Variants in POTEE observed in about 807,000 individuals in gnomAD.
The protein encoded by POTEE is POTE ankyrin domain family member E.
In POTEE, 21 loss-of-function variants were observed where a neutral mutation model predicts 74.2. The observed-to-expected ratio is 0.28, with a 90% CI of 0.20 to 0.41. POTEE has a LOEUF of 0.41. Among genes scored for constraint, POTEE ranks in the 10% least tolerant of loss-of-function variants. The pLI is 1.00. For missense variants in POTEE, 525 were observed against 1,158.6 expected, an observed-to-expected ratio of 0.45 and a Z score of 7.94; for synonymous variants, 211 against 432.8, an observed-to-expected ratio of 0.49 and a Z score of 6.36.
At chr2:131,258,526 T>C (rs1701623121) in intron 16 of POTEE, among the ~76,000 whole-genome samples, 1 of 151,150 alleles carries the variant, frequency 6.6e-6, no homozygotes, top group African/African-American at 2.4e-5. Flanking sequence ...AAATTCCTTT[T>C]CTTGTTCACT....
At chr2:131,210,172 C>T (rs62177509) in intron 1 of POTEE, among the ~76,000 whole-genome samples, 79,974 of 119,162 alleles carry the variant, frequency 0.67, 29,067 homozygotes, top group Non-Finnish European at 0.81. Flanking sequence ...GGAGTGTTGT[C>T]GGGTGCTGCA....
In POTEE at chr2:131,263,355, C is replaced by T; in HGVS notation, c.1900C>T (p.Leu634Phe). 1.2e-6 allele frequency: 2 copies of T among 1,610,272 alleles called. No homozygotes were observed. The highest frequency in any genetic ancestry group is 1.7e-6 in the Non-Finnish European group (2 of 1,179,346). ...IEVVEKMNSE[L>F]SLSCKKEKDV... ...CTAAAAGTTCTCTTTGTTTACTTAG[C>T]TTTCTCTTAGTTGTAAGAAAGAAAA... The change falls in exon 18 of 18, where the codon CTT (leucine) becomes TTT (phenylalanine). Residue 634 changes from leucine (L) to phenylalanine (F), a missense_variant and splice_region_variant. Physicochemically the swap from Leu to Phe is conservative, Grantham distance 22. Transcript: ENST00000683005.
intron 16 of POTEE, among the ~76,000 whole-genome samples, chr2:131,258,854 C>T (rs1316178548): frequency 3.2e-5 from 1 of 30,840 alleles, no homozygotes; most frequent in African/African-American, 9.8e-5. Context: ...GAGGAAAGAC[C>T]AGCTGGGAGG....
chr2:131,216,335 G>T (rs1488341096), intron 2 of POTEE, among the ~76,000 whole-genome samples: 3 of 152,204 alleles, frequency 2.0e-5, no homozygotes, highest in African/African-American at 7.2e-5. Flanking sequence ...AGAAAAATTA[G>T]TCCTAAAATC....
At chr2:131,222,334 T>C (rs1259668411) in intron 4 of POTEE, among the ~76,000 whole-genome samples, 22 of 152,136 alleles carry the variant, frequency 1.4e-4, no homozygotes, top group African/African-American at 2.2e-4. Flanking sequence ...TGCATGTTCT[T>C]ACTTATAGGT....
chr2:131,229,234 T>C (rs1293132944), intron 8 of POTEE, among the ~76,000 whole-genome samples: 2 of 152,166 alleles, frequency 1.3e-5, no homozygotes, highest in Admixed American at 6.5e-5. Flanking sequence ...TTAGGTGGGC[T>C]TGTTCTAAAG....
At chr2:131,229,696 G>A (rs966638536) in intron 8 of POTEE, 17 of 152,170 alleles carry the variant, frequency 1.1e-4, no homozygotes, top group African/African-American at 3.1e-4. Context: ...ACAGATCTTT[G>A]AAGCATTCCA....
At chr2:131,220,775 T>C (rs921073761) in intron 4 of POTEE, among the ~76,000 whole-genome samples, 11 of 151,714 alleles carry the variant, frequency 7.3e-5, no homozygotes, top group South Asian at 2.1e-4. Context: ...GCCTGGCCAG[T>C]GTGGTGAAAT....
rs1186296392 is a variant in POTEE at position 131,219,937 on chromosome 2, A to C, written c.521+1014A>C. ...TGTTATTTATTTCCACAAATTGTTT[A>C]CTAACAGCTGAAAAGACATCAATGA... is the stretch of plus-strand genomic sequence containing the variant. On this transcript the variant is annotated intron_variant, in intron 4 of 17. Transcript: ENST00000683005. Among the ~76,000 whole-genome samples the C allele has an allele frequency of 2.0e-5, 3 of 151,896 alleles. No individual in the cohort carries two copies. In the East Asian group the frequency reaches 5.8e-4, roughly 29 times the overall value.
At chr2:131,209,903 C>T (rs1209275782) in intron 1 of POTEE, among the ~76,000 whole-genome samples, 84 bp downstream of exon 1, 1 of 149,536 alleles carries the variant, frequency 6.7e-6, no homozygotes, top group Non-Finnish European at 1.5e-5. Flanking sequence ...GGCTGCACTG[C>T]CTGTGTCAGG....
At chr2:131,225,607 C>T (rs1700760026) in intron 6 of POTEE, among the ~76,000 whole-genome samples, 1 of 146,550 alleles carries the variant, frequency 6.8e-6, no homozygotes, top group Non-Finnish European at 1.5e-5. Flanking sequence ...CACTCTGTTT[C>T]CCAGGCTGGA....
chr2:131,209,837 G>GTAC lies in POTEE; in HGVS notation c.-345+20_-345+22dup, dbSNP rs1700317517. On this transcript the variant is annotated intron_variant, in intron 1 of 17. Coordinates refer to ENST00000683005, the MANE Select transcript of POTEE (RefSeq NM_001083538.3). Reference sequence around the variant, plus strand: ...TGGTGTAGGTGAGTTATCCGGGGATGTACTGCCCGCCTGTGGGGGCAGGGG... The same window carrying GTAC: ...TGGTGTAGGTGAGTTATCCGGGGATGTACTACTGCCCGCCTGTGGGGGCAGGGG... 6.6e-6 allele frequency among the ~76,000 whole-genome samples: 1 copy of GTAC among 151,898 alleles called. No homozygotes were observed. The highest frequency in any genetic ancestry group is 2.4e-5 in the African/African-American group (1 of 41,360).
At chr2:131,214,414 T>C (rs1302851330) in intron 2 of POTEE, among the ~76,000 whole-genome samples, 2 of 152,362 alleles carry the variant, frequency 1.3e-5, no homozygotes, top group African/African-American at 2.4e-5. Flanking sequence ...AATGACTAAT[T>C]ACAAAAGAGG....
intron 2 of POTEE, among the ~76,000 whole-genome samples, chr2:131,215,915 TA>T (rs1399453576): frequency 6.9e-6 from 1 of 145,860 alleles, no homozygotes; most frequent in Non-Finnish European, 1.5e-5. Context: ...GAAAGGCATC[TA>T]AATAGGAAGG....
At chr2:131,211,615 C>G (rs62177511) in intron 2 of POTEE, among the ~76,000 whole-genome samples, 2 of 121,010 alleles carry the variant, frequency 1.7e-5, no homozygotes, top group Non-Finnish European at 3.2e-5. Flanking sequence ...TGCAGTGGTG[C>G]GATCTCGGCT....
intron 2 of POTEE, among the ~76,000 whole-genome samples, chr2:131,216,658 T>C (rs1314043318): frequency 6.6e-6 from 1 of 151,520 alleles, no homozygotes; most frequent in Non-Finnish European, 1.5e-5. Flanking sequence ...AACAGAAATG[T>C]CCATGAATTT....
chr2:131,242,432 CT>C (rs1701264034), intron 12 of POTEE, among the ~76,000 whole-genome samples: 1 of 2,290 alleles, frequency 4.4e-4, no homozygotes, highest in African/African-American at 1.1e-3. Flanking sequence ...GATGTCCTTC[CT>C]GAAATCTACA....
rs772964934 is a variant in POTEE, at chr2:131,230,904, C to G, written c.1124C>G (p.Pro375Arg). The change falls in exon 9 of 18, where the codon CCA becomes CGA. Residue 375 changes from proline (P) to arginine (R), a missense_variant and splice_region_variant. Transcript: ENST00000683005. Reference protein sequence around the residue: ...MLKISSENSNPEQELKLTSEE... With the variant: ...MLKISSENSNREQELKLTSEE... ...AAAATCTCTTCTGAAAACAGCAATCCAGGTAAGACTTGTGATAGTGAATTA... is the reference window on the plus strand; with the variant it reads ...AAAATCTCTTCTGAAAACAGCAATCGAGGTAAGACTTGTGATAGTGAATTA... The G allele has an allele frequency of 4.5e-6, 7 of 1,564,372 alleles. No homozygotes were observed. The highest frequency in any genetic ancestry group is 6.1e-6 in the Non-Finnish European group (7 of 1,154,222).
At chr2:131,224,591 G>C (rs1700725207) in intron 6 of POTEE, among the ~76,000 whole-genome samples, 4 of 151,648 alleles carry the variant, frequency 2.6e-5, no homozygotes, top group Admixed American at 2.6e-4. Flanking sequence ...TTAGATAATG[G>C]AGGGAAAAGA....
Sources: gnomAD v4.1 joint callset for allele counts (sites outside exome capture counted in the v4.1 genomes callset) on GRCh38, gnomAD v4.1.1 for gene constraint, MANE v1.5 for transcripts, NCBI Gene and HGNC (gene_info 2026-07-23, HGNC 2026-07-21) for gene names.